The following SLC12A1 variants were observed in gnomAD, a reference collection of about 807,000 sequenced individuals.
SLC12A1 encodes the protein Na-K-2Cl cotransporter.
SLC12A1 carries 89 observed loss-of-function variants against 130.4 expected under a neutral mutation model. The observed-to-expected ratio is 0.68, with a 90% CI of 0.58 to 0.81. The LOEUF is 0.81. SLC12A1 is among the 40% of genes least tolerant of loss of function. The pLI is 0.00. For synonymous variants in SLC12A1, 499 were observed against 460.0 expected, an observed-to-expected ratio of 1.08 and a Z score of -1.09; for missense variants, 1,310 against 1,336.4, an observed-to-expected ratio of 0.98 and a Z score of 0.31.
In SLC12A1 at chr15:48,302,744, C is replaced by T; in HGVS notation, c.3165-6C>T. ...TCATTTTTAAATTTTTCCTTCATGT[C>T]ATTAGGAGCCTTCCCGTGGCAAGAA... On this transcript the variant is annotated splice_region_variant and splice_polypyrimidine_tract_variant and intron_variant, in intron 26 of 26. Transcript: ENST00000380993. The T allele has an allele frequency of 6.2e-7, 1 of 1,600,062 alleles. No individual in the cohort carries two copies. The highest frequency in any genetic ancestry group is 2.2e-5 in the East Asian group (1 of 44,490).
chr15:48,288,218 T>C (rs1490505055), intron 22 of SLC12A1, 44 bp downstream of exon 22: 7 of 1,575,530 alleles, frequency 4.4e-6, no homozygotes, highest in African/African-American at 1.3e-5. Context: ...AATTTCAATT[T>C]TGATAAACTT....
Position 48,226,566 on chromosome 15 carries a change from G to T in SLC12A1, c.719G>T (p.Arg240Leu). ...TSAIATNGFVRGGGAYYLISR... is the reference protein window; with the variant it reads ...TSAIATNGFVLGGGAYYLISR... The stretch of plus-strand genomic sequence containing the variant: ...GCGATAGCAACTAACGGGTTTGTTC[G>T]TGGAGGTAAAATCTCTAAGATATCT... The change falls in exon 5 of 27, where the codon CGT (arginine) becomes CTT (leucine). Residue 240 changes from arginine to leucine, a missense_variant. Physicochemically the swap from Arg to Leu is moderately radical, Grantham distance 102 (BLOSUM62 -2). Transcript: ENST00000380993. The T allele has an allele frequency of 1.9e-6, 3 of 1,600,326 alleles. No homozygotes were observed. Among genetic ancestry groups the T allele is most frequent in the Non-Finnish European group, 2.6e-6 (3 of 1,169,700 alleles).
chr15:48,206,362 T>C (rs968610965), intron 1 of SLC12A1, 32 bp downstream of exon 1: 4 of 152,172 alleles, frequency 2.6e-5, no homozygotes, highest in Non-Finnish European at 5.9e-5. Flanking sequence ...AGGGTAAAAA[T>C]CATACTTAAT....
intron 2 of SLC12A1, among the ~76,000 whole-genome samples, chr15:48,213,364 G>A (rs2041078157): frequency 6.6e-6 from 1 of 152,120 alleles, no homozygotes; most frequent in African/African-American, 2.4e-5. Flanking sequence ...TGTGACAAAA[G>A]ATTGTATTGC....
In SLC12A1 at chr15:48,240,092, C is replaced by CAT. The variant is rs1202434183; in HGVS notation, c.1216-1406_1216-1405dup. ...ATATCCATATATATATATATATATC[C>CAT]ATATATATATATATATATCCATATA... is the stretch of plus-strand genomic sequence containing the variant. On this transcript the variant is annotated intron_variant, in intron 9 of 26. Transcript: ENST00000380993. Among the ~76,000 whole-genome samples the CAT allele has an allele frequency of 7.1e-3, 427 of 60,338 alleles. 7 individuals carry two copies. The highest frequency in any genetic ancestry group is 0.017 in the South Asian group (33 of 1,992). The allele number at this position is 60,338 out of a possible 152,430, so 39.6% of individuals were successfully genotyped here.
At chr15:48,274,532 A>G (rs1182413223) in intron 19 of SLC12A1, 39 bp from the exon 20 acceptor site, 10 of 1,314,534 alleles carry the variant, frequency 7.6e-6, no homozygotes, top group Middle Eastern at 1.8e-4. Context: ...GGATTAAAAG[A>G]GCCATTTAAA....
intron 4 of SLC12A1, chr15:48,225,246 T>C (rs899535619): frequency 6.6e-6 from 1 of 152,204 alleles, no homozygotes; most frequent in Admixed American, 6.5e-5. Context: ...TTTAATTTCA[T>C]TCTTTCCACT....
chr15:48,273,160 G>A (rs2041916411), intron 19 of SLC12A1, among the ~76,000 whole-genome samples: 1 of 151,248 alleles, frequency 6.6e-6, no homozygotes. Context: ...GATTAGTCTG[G>A]CACGTGTGGG....
intron 2 of SLC12A1, among the ~76,000 whole-genome samples, chr15:48,218,317 G>A (rs560893700): frequency 1.3e-5 from 2 of 152,218 alleles, no homozygotes; most frequent in East Asian, 3.9e-4. Context: ...AAGGTCTCAA[G>A]AAAGAAGAGT....
At position 48,251,903 on chromosome 15, in the gene SLC12A1, A is replaced by G. The variant is rs1374752306; in HGVS notation, c.1942+133A>G. ...GTGGATATTAATAATATCGTGCAAT[A>G]TAATAGTAACAATAGTTGGGGCCGG... On this transcript the variant is annotated intron_variant, in intron 15 of 26. Coordinates refer to ENST00000380993, the MANE Select transcript of SLC12A1 (RefSeq NM_000338.3). 23 of 760,242 alleles carry G rather than the reference A, an allele frequency of 3.0e-5. No homozygotes were observed. The East Asian group carries it at 4.2e-4, about 14-fold the overall frequency. 47.1% of individuals were successfully genotyped at this position (760,242 alleles called of 1,614,324 possible). A position where few individuals can be genotyped will look rare whatever the true frequency, so the allele number is the denominator to read the frequency against.
chr15:48,257,405 C>T (rs115704758), intron 16 of SLC12A1, among the ~76,000 whole-genome samples: 3,360 of 152,260 alleles, frequency 0.022, 124 homozygotes, highest in African/African-American at 0.077. Context: ...CTGGGGGCTC[C>T]GACCCCACAT....
At position 48,255,421 on chromosome 15, in the gene SLC12A1, AG is replaced by A. The variant is rs368501023; in HGVS notation, c.1943-389del. ...CCACTGCACTCCAGCCTGCTGACAG[AG>A]TGAAACTCCATCTCAAAAAAAAAAA... On this transcript the variant is annotated intron_variant, in intron 15 of 26. Transcript: ENST00000380993. Among the ~76,000 whole-genome samples, 725 of 149,202 alleles carry A rather than the reference AG, an allele frequency of 4.9e-3. 8 individuals carry two copies. Among genetic ancestry groups the A allele is most frequent in the Middle Eastern group, 0.045 (13 of 288 alleles).
chr15:48,289,814 G>A (rs907681446), intron 23 of SLC12A1, among the ~76,000 whole-genome samples: 3 of 152,166 alleles, frequency 2.0e-5, no homozygotes, highest in African/African-American at 7.2e-5. Flanking sequence ...GTTGCTCTGG[G>A]TGAGTCAGTG....
chr15:48,271,854 G>A (rs918079988), intron 19 of SLC12A1, among the ~76,000 whole-genome samples: 2 of 152,164 alleles, frequency 1.3e-5, no homozygotes, highest in Non-Finnish European at 2.9e-5. Context: ...GACATTCTTG[G>A]AAATTGACCA....
At chr15:48,237,635 A>C (rs1020204193) in intron 9 of SLC12A1, among the ~76,000 whole-genome samples, 1 of 152,216 alleles carries the variant, frequency 6.6e-6, no homozygotes, top group African/African-American at 2.4e-5. Flanking sequence ...TTATTTAAAA[A>C]TACTTTTATG....
At chr15:48,208,266 A>G in intron 2 of SLC12A1, 127 bp downstream of exon 2, 1 of 913,968 alleles carries the variant, frequency 1.1e-6, no homozygotes, top group Non-Finnish European at 1.6e-6. Flanking sequence ...AACACTATCC[A>G]TCTTACTTAC....
Position 48,285,268 on chromosome 15 carries a change from T to C in SLC12A1, c.2629+19T>C. The C allele has an allele frequency of 6.2e-7, 1 of 1,610,902 alleles. No homozygotes were observed. Among genetic ancestry groups the C allele is most frequent in the South Asian group, 1.1e-5 (1 of 90,578 alleles). On this transcript the variant is annotated intron_variant, in intron 21 of 26. Coordinates refer to ENST00000380993, the MANE Select transcript of SLC12A1 (RefSeq NM_000338.3). ...AAAAAAGGTAAGAACTTTTTAAAAT[T>C]TGCAAAAAAGTTTACAAGATGAGTC...
chr15:48,296,568 T>G (rs2042179197), intron 24 of SLC12A1, among the ~76,000 whole-genome samples: 1 of 152,216 alleles, frequency 6.6e-6, no homozygotes, highest in Non-Finnish European at 1.5e-5. Context: ...AAACAGTTGG[T>G]ACATTACTTT....
intron 21 of SLC12A1, among the ~76,000 whole-genome samples, chr15:48,285,562 T>C (rs189942819): frequency 6.6e-6 from 1 of 152,344 alleles, no homozygotes; most frequent in Admixed American, 6.5e-5. Context: ...GGAAAGGGGA[T>C]AGAAATTTAA....
Sources: allele counts gnomAD v4.1 joint callset (sites outside exome capture counted in the v4.1 genomes callset), GRCh38; gene constraint gnomAD v4.1.1; transcripts MANE v1.5; gene names NCBI Gene and HGNC (gene_info 2026-07-23, HGNC 2026-07-21).